The following GALNT13 variants were observed in gnomAD, a reference collection of about 807,000 sequenced individuals.
The protein encoded by GALNT13 is UDP-GalNAc:polypeptide N-acetylgalactosaminyltransferase 13.
In GALNT13, 28 loss-of-function variants were observed where a neutral mutation model predicts 64.2. That is an observed-to-expected ratio of 0.44 (90% CI 0.32 to 0.60). The LOEUF (loss-of-function observed/expected upper bound fraction) is 0.60. GALNT13 is among the 20% of genes least tolerant of loss of function. The pLI, the probability that GALNT13 is intolerant of heterozygous loss-of-function variation, is 0.05. For missense variants in GALNT13, 577 were observed against 669.8 expected (o/e 0.86, Z 1.53); for synonymous variants, 214 against 224.6 (o/e 0.95, Z 0.42).
the GALNT13 span, among the ~76,000 whole-genome samples, chr2:153,654,645 T>C: frequency 6.6e-6 from 1 of 152,022 alleles, no homozygotes. Context: ...ATAATAACAA[T>C]ACAGCAATTA....
In GALNT13 at chr2:153,989,749, C is replaced by T. The variant is rs575066107; in HGVS notation, c.142+45110C>T. Among the ~76,000 whole-genome samples the T allele has an allele frequency of 7.9e-5, 12 of 152,040 alleles. No individual in the cohort carries two copies. In the South Asian group the frequency reaches 2.5e-3, roughly 31 times the overall value. On this transcript the variant is annotated intron_variant, in intron 3 of 12. Transcript: ENST00000392825. ...AAATATGCACGTTCCTTTTCCTGCT[C>T]TCATATGTCAGGGATTTAGTTGGAA...
At chr2:154,256,470 G>A (rs1690380619) in intron 7 of GALNT13, among the ~76,000 whole-genome samples, 1 of 152,134 alleles carries the variant, frequency 6.6e-6, no homozygotes, top group Non-Finnish European at 1.5e-5. Context: ...TATGAAAATA[G>A]GAGGGGTTAA....
At chr2:154,385,020 G>A (rs748765025) in intron 9 of GALNT13, among the ~76,000 whole-genome samples, 5 of 135,970 alleles carry the variant, frequency 3.7e-5, no homozygotes, top group East Asian at 2.1e-4. Context: ...AAGCAGTGAC[G>A]ACTACAATAA....
chr2:153,081,714 G>C, the GALNT13 span, among the ~76,000 whole-genome samples: 62,083 of 151,902 alleles, frequency 0.41, 14,559 homozygotes, highest in East Asian at 0.6. Context: ...TTTTTTTGTG[G>C]CTGAATAGTA....
chr2:153,979,341 T>C (rs1452536736), intron 3 of GALNT13, among the ~76,000 whole-genome samples: 1 of 152,124 alleles, frequency 6.6e-6, no homozygotes, highest in Non-Finnish European at 1.5e-5. Flanking sequence ...AAAATTAATG[T>C]GGCAATAAAG....
chr2:154,025,244 C>A (rs896913407), intron 3 of GALNT13, among the ~76,000 whole-genome samples: 5 of 152,118 alleles, frequency 3.3e-5, no homozygotes, highest in African/African-American at 1.2e-4. Flanking sequence ...AGAAATCACC[C>A]GTCTTCTGCG....
chr2:154,338,643 T>A (rs1695588109), intron 9 of GALNT13, among the ~76,000 whole-genome samples: 1 of 152,034 alleles, frequency 6.6e-6, no homozygotes, highest in Non-Finnish European at 1.5e-5. Flanking sequence ...GTGGTTTCCA[T>A]GAGAAGAAAT....
chr2:153,124,380 G>T, the GALNT13 span, among the ~76,000 whole-genome samples: 1 of 152,202 alleles, frequency 6.6e-6, no homozygotes, highest in Admixed American at 6.5e-5. Flanking sequence ...AATTTATTAT[G>T]CAGCAATAGA....
the GALNT13 span, among the ~76,000 whole-genome samples, chr2:153,816,975 G>GCCTGAC: frequency 1.4e-4 from 21 of 152,210 alleles, no homozygotes; most frequent in Non-Finnish European, 2.8e-4. Flanking sequence ...TAGAGACAGT[G>GCCTGAC]CCTGACCATG....
the GALNT13 span, among the ~76,000 whole-genome samples, chr2:153,309,193 T>C: frequency 6.6e-6 from 1 of 152,122 alleles, no homozygotes; most frequent in African/African-American, 2.4e-5. Flanking sequence ...CCTCACTCCC[T>C]CTGGCAAAAA....
At chr2:153,498,922 A>G in the GALNT13 span, among the ~76,000 whole-genome samples, 9 of 151,516 alleles carry the variant, frequency 5.9e-5, no homozygotes, top group African/African-American at 1.9e-4. Context: ...ATCTCCGCTC[A>G]CTGCAAGCTC....
chr2:154,417,603 C>T (rs912047736), intron 11 of GALNT13, among the ~76,000 whole-genome samples: 31 of 151,138 alleles, frequency 2.1e-4, no homozygotes, highest in African/African-American at 7.5e-4. Flanking sequence ...CTCCACCTCC[C>T]GGGTTCAAGT....
chr2:154,416,284 A>G (rs1031423075), intron 11 of GALNT13, among the ~76,000 whole-genome samples: 1 of 151,992 alleles, frequency 6.6e-6, no homozygotes, highest in African/African-American at 2.4e-5. Context: ...ACACCAGCAG[A>G]TTTGGTGTCT....
intron 3 of GALNT13, among the ~76,000 whole-genome samples, chr2:154,043,773 G>A (rs1385984695): frequency 1.4e-4 from 21 of 152,048 alleles, no homozygotes; most frequent in Admixed American, 1.4e-3. Flanking sequence ...TAACAAACAT[G>A]TGACCTACAC....
At chr2:153,718,928 G>A in the GALNT13 span, among the ~76,000 whole-genome samples, 1 of 152,028 alleles carries the variant, frequency 6.6e-6, no homozygotes, top group East Asian at 1.9e-4. Flanking sequence ...TTAAACACGG[G>A]GGTTCTCTGT....
At chr2:154,283,964 C>A (rs546709222) in intron 8 of GALNT13, among the ~76,000 whole-genome samples, 3 of 151,994 alleles carry the variant, frequency 2.0e-5, no homozygotes, top group African/African-American at 4.8e-5. Flanking sequence ...AGGGAAAGTA[C>A]GTATATTCTT....
chr2:153,907,808 T>C (rs1312555896), intron 2 of GALNT13, among the ~76,000 whole-genome samples: 2 of 152,104 alleles, frequency 1.3e-5, no homozygotes, highest in African/African-American at 4.8e-5. Context: ...CATTCTACCA[T>C]TGATGGGCAT....
chr2:153,538,568 A>T, the GALNT13 span, among the ~76,000 whole-genome samples: 1 of 65,192 alleles, frequency 1.5e-5, no homozygotes, highest in Non-Finnish European at 2.8e-5. Flanking sequence ...CAGTCCCCAG[A>T]GTGTGATATT....
intron 3 of GALNT13, among the ~76,000 whole-genome samples, chr2:153,991,167 C>A (rs1411754636): frequency 1.3e-5 from 2 of 152,158 alleles, no homozygotes; most frequent in Admixed American, 1.3e-4. Flanking sequence ...TGAAGCCTAA[C>A]TGGGAGAAGA....
Sources: gnomAD v4.1 joint callset for allele counts (sites outside exome capture counted in the v4.1 genomes callset) on GRCh38, gnomAD v4.1.1 for gene constraint, MANE v1.5 for transcripts, NCBI Gene and HGNC (gene_info 2026-07-23, HGNC 2026-07-21) for gene names.